Variants in HPCAL1 observed in about 807,000 individuals in gnomAD.
HPCAL1 encodes hippocalcin-like protein 1.
A neutral mutation model predicts 17.1 loss-of-function variants in HPCAL1; 8 were observed. That is an observed-to-expected ratio of 0.47 (90% confidence interval 0.27 to 0.84). The LOEUF (loss-of-function observed/expected upper bound fraction) is 0.84, where lower values mean the gene tolerates loss of function less well. HPCAL1 is among the 40% of genes least tolerant of loss of function. The probability of loss-of-function intolerance (pLI) is 0.13; values close to 1 mark genes in which losing one functional copy is unlikely to be tolerated. For missense variants in HPCAL1, 165 were observed against 271.1 expected (o/e 0.61, Z 2.75); for synonymous variants, 112 against 111.4 (o/e 1.01, Z -0.03).
intron 2 of HPCAL1, among the ~76,000 whole-genome samples, chr2:10,405,042 C>T (rs948409150): frequency 6.6e-6 from 1 of 152,230 alleles, no homozygotes; most frequent in Non-Finnish European, 1.5e-5. Flanking sequence ...AGCTGGCACT[C>T]CTTTTACAGA....
At chr2:10,357,972 C>T (rs1666276693) in intron 1 of HPCAL1, among the ~76,000 whole-genome samples, 1 of 152,266 alleles carries the variant, frequency 6.6e-6, no homozygotes, top group Non-Finnish European at 1.5e-5. Context: ...CTTGAGCCGG[C>T]ACCAGCCCCA....
chr2:10,361,270 GA>G (rs1666509726), intron 1 of HPCAL1, among the ~76,000 whole-genome samples: 1 of 151,644 alleles, frequency 6.6e-6, no homozygotes, highest in East Asian at 1.9e-4. Context: ...CAGAGAGAGA[GA>G]GAGAGAGAGA....
At chr2:10,350,794 A>G (rs1665794169) in intron 1 of HPCAL1, among the ~76,000 whole-genome samples, 1 of 152,234 alleles carries the variant, frequency 6.6e-6, no homozygotes, top group South Asian at 2.1e-4. Context: ...CGTTTCTCCA[A>G]AGATATACAA....
At chr2:10,347,954 T>C (rs1665575414) in intron 1 of HPCAL1, among the ~76,000 whole-genome samples, 1 of 152,158 alleles carries the variant, frequency 6.6e-6, no homozygotes, top group Admixed American at 6.5e-5. Context: ...AGGAGAAAGA[T>C]TGGTATCTTC....
At chr2:10,375,559 C>T (rs2125523653) in intron 1 of HPCAL1, among the ~76,000 whole-genome samples, 1 of 152,324 alleles carries the variant, frequency 6.6e-6, no homozygotes, top group Non-Finnish European at 1.5e-5. Context: ...ATGTTGTTTG[C>T]AGTGTGGCGT....
Position 10,367,653 on chromosome 2 carries a change from G to A in HPCAL1, c.-110-29182G>A, listed in dbSNP as rs977081505. On this transcript the variant is annotated intron_variant, in intron 1 of 4. Transcript: ENST00000307845. The surrounding 1 kb of genome is among the most constrained non-coding windows in gnomAD (Gnocchi z 4.4). ...TTATGCTTCCTTGCAAAAATTTGTC[G>A]AAAGTGCCAGAAAAGCCCTTGTCCC... 1.3e-5 allele frequency among the ~76,000 whole-genome samples: 2 copies of A among 152,106 alleles called. No homozygotes were observed. The highest frequency in any genetic ancestry group is 2.9e-5 in the Non-Finnish European group (2 of 68,022).
At position 10,389,627 on chromosome 2, in the gene HPCAL1, G is replaced by A. The variant is rs116622271; in HGVS notation, c.-110-7208G>A. On this transcript the variant is annotated intron_variant, in intron 1 of 4. Transcript: ENST00000307845. ...CCAGTCTATGGTAATTTGTTAGAGT[G>A]GCCTGGAGGAAGACACAGTATTAAG... Among the ~76,000 whole-genome samples, 462 of 152,360 alleles carry A rather than the reference G, an allele frequency of 3.0e-3. 6 individuals carry two copies. Among genetic ancestry groups the A allele is most frequent in the African/African-American group, 0.011 (444 of 41,584 alleles).
chr2:10,402,706 AT>A (rs1177218860), intron 2 of HPCAL1, among the ~76,000 whole-genome samples: 1 of 152,090 alleles, frequency 6.6e-6, no homozygotes, highest in African/African-American at 2.4e-5. Flanking sequence ...GCATGTGATG[AT>A]TCACTGGAGG....
At chr2:10,326,173 C>T (rs1470197955) in intron 1 of HPCAL1, among the ~76,000 whole-genome samples, 2 of 152,180 alleles carry the variant, frequency 1.3e-5, no homozygotes, top group Non-Finnish European at 2.9e-5. Flanking sequence ...AGAATCAACC[C>T]AGAAGGAAGA....
intron 1 of HPCAL1, among the ~76,000 whole-genome samples, chr2:10,334,182 A>G (rs1413116944): frequency 6.6e-6 from 1 of 152,246 alleles, no homozygotes; most frequent in Non-Finnish European, 1.5e-5. Flanking sequence ...TTTATGTGTT[A>G]GAAATACTCA....
intron 2 of HPCAL1, among the ~76,000 whole-genome samples, chr2:10,401,612 T>G (rs1194632768): frequency 6.6e-6 from 1 of 152,192 alleles, no homozygotes; most frequent in Non-Finnish European, 1.5e-5. Flanking sequence ...CACCCGGACC[T>G]TCTCTCTCCC....
intron 2 of HPCAL1, among the ~76,000 whole-genome samples, chr2:10,409,914 C>T (rs896842025): frequency 1.8e-4 from 27 of 151,394 alleles, no homozygotes; most frequent in Admixed American, 1.7e-3. Context: ...CTCAACCTCC[C>T]GAGTAGCTGG....
At chr2:10,333,260 CAG>C (rs576565738) in intron 1 of HPCAL1, among the ~76,000 whole-genome samples, 2 of 152,342 alleles carry the variant, frequency 1.3e-5, no homozygotes, top group East Asian at 3.9e-4. Context: ...GAGCGTGAAT[CAG>C]GTGGTCACAG....
At chr2:10,313,434 T>C (rs1189290464) in intron 1 of HPCAL1, among the ~76,000 whole-genome samples, 1 of 152,254 alleles carries the variant, frequency 6.6e-6, no homozygotes, top group African/African-American at 2.4e-5. Context: ...GGCGGCTGCC[T>C]TCATTAGAAT....
In HPCAL1 at chr2:10,344,849, C is replaced by G. The variant is rs1572684579; in HGVS notation, c.-111+41672C>G. ...TCTGTCTCTCTCTTTCTGTGTGTGT[C>G]TCTCTCTGTGCCTTTCAGTCTCTTT... On this transcript the variant is annotated intron_variant, in intron 1 of 4. Coordinates refer to ENST00000307845, the MANE Select transcript of HPCAL1 (RefSeq NM_002149.4). This position sits in a 1 kb window ranked among gnomAD's most constrained non-coding sequence, Gnocchi z 4.9. 1.3e-5 allele frequency among the ~76,000 whole-genome samples: 2 copies of G among 151,984 alleles called. No homozygotes were observed. The highest frequency in any genetic ancestry group is 2.4e-5 in the African/African-American group (1 of 41,448).
chr2:10,328,704 G>T (rs1007266397), intron 1 of HPCAL1, among the ~76,000 whole-genome samples: 4 of 152,120 alleles, frequency 2.6e-5, no homozygotes, highest in African/African-American at 7.2e-5. Flanking sequence ...CGACTCTTCA[G>T]CCTCCATAAT....
chr2:10,403,964 C>T (rs1669806955), intron 2 of HPCAL1, among the ~76,000 whole-genome samples: 1 of 152,148 alleles, frequency 6.6e-6, no homozygotes, highest in African/African-American at 2.4e-5. Context: ...CTTCTTCTGG[C>T]TGCCTCTCCT....
At chr2:10,350,860 A>C (rs1406959466) in intron 1 of HPCAL1, among the ~76,000 whole-genome samples, 2 of 152,206 alleles carry the variant, frequency 1.3e-5, no homozygotes, top group Non-Finnish European at 2.9e-5. Flanking sequence ...AGGGAAATGC[A>C]CATGAAAACA....
chr2:10,332,977 G>A (rs1664482311), intron 1 of HPCAL1, among the ~76,000 whole-genome samples: 1 of 151,250 alleles, frequency 6.6e-6, no homozygotes, highest in African/African-American at 2.4e-5. Context: ...GAGGGGTGCA[G>A]GGGGGAGGGG....
Sources: gnomAD v4.1 joint callset for allele counts (sites outside exome capture counted in the v4.1 genomes callset) on GRCh38, gnomAD v4.1.1 for gene constraint, Gnocchi (gnomAD v3.1) non-coding constraint, MANE v1.5 for transcripts, NCBI Gene and HGNC (gene_info 2026-07-23, HGNC 2026-07-21) for gene names.